ROBO1: variants seen among roughly 807,000 people sequenced by gnomAD.
The protein encoded by ROBO1 is roundabout homolog 1.
Under a neutral mutation model 195.9 loss-of-function variants are expected in ROBO1, and 149 were observed. The ratio of observed to expected loss-of-function variants is 0.76; its 90% CI spans 0.67 to 0.87. ROBO1 has a LOEUF of 0.87. Ranked by LOEUF, ROBO1 falls within the 40% of genes least tolerant of loss-of-function variation. The pLI is 0.00. For synonymous variants in ROBO1, 816 were observed against 733.2 expected (o/e 1.11, Z -1.82); for missense variants, 1,933 against 2,068.3 (o/e 0.93, Z 1.27).
chr3:78,860,017 T>C (rs1245614284), intron 4 of ROBO1, among the ~76,000 whole-genome samples: 1 of 151,220 alleles, frequency 6.6e-6, no homozygotes, highest in African/African-American at 2.4e-5. Context: ...AGGCGGAGCT[T>C]GCAGTGAGCT....
In ROBO1 at chr3:79,384,446, T is replaced by C. The variant is rs75482268; in HGVS notation, c.88+205378A>G. On this transcript the variant is annotated intron_variant, in intron 2 of 30. Coordinates refer to ENST00000464233, the MANE Select transcript of ROBO1 (RefSeq NM_002941.4). ...CATGTAAATAGGTATTTGTCTGTTA[T>C]ATGTGTATATTATGGATTAAAGAAT... Among the ~76,000 whole-genome samples, 118 of 152,110 alleles carry C rather than the reference T, an allele frequency of 7.8e-4. 1 individual carries two copies. In the East Asian group the frequency reaches 0.019, roughly 25 times the overall value.
intron 4 of ROBO1, among the ~76,000 whole-genome samples, chr3:78,835,352 A>G (rs1432379338): frequency 6.6e-6 from 1 of 152,222 alleles, no homozygotes; most frequent in Admixed American, 6.5e-5. Context: ...GTAAAGACAC[A>G]GAAAAGCACT....
chr3:78,647,882 G>A (rs975195685), intron 19 of ROBO1, among the ~76,000 whole-genome samples: 1 of 152,056 alleles, frequency 6.6e-6, no homozygotes, highest in Non-Finnish European at 1.5e-5. Flanking sequence ...GTACACTCAG[G>A]AAGGGAATTA....
At chr3:79,300,206 G>A (rs1402932941) in intron 2 of ROBO1, among the ~76,000 whole-genome samples, 3 of 152,308 alleles carry the variant, frequency 2.0e-5, no homozygotes, top group South Asian at 2.1e-4. Context: ...TCAGCTAGCA[G>A]GGAGGTGTGG....
chr3:79,738,594 A>G (rs944832637), intron 1 of ROBO1, among the ~76,000 whole-genome samples: 5 of 152,328 alleles, frequency 3.3e-5, no homozygotes, highest in South Asian at 4.1e-4. Flanking sequence ...AACAACGAAG[A>G]GTTCAGAGTC....
At chr3:78,961,041 C>A (rs1033646415) in intron 3 of ROBO1, among the ~76,000 whole-genome samples, 3 of 152,088 alleles carry the variant, frequency 2.0e-5, no homozygotes, top group African/African-American at 7.2e-5. Context: ...CATTTTCCTT[C>A]ATAATAGTTT....
intron 3 of ROBO1, among the ~76,000 whole-genome samples, chr3:78,983,771 G>A (rs191071671): frequency 2.6e-5 from 4 of 152,194 alleles, no homozygotes; most frequent in Non-Finnish European, 4.4e-5. Flanking sequence ...AAATATTTGA[G>A]TACTTAAGTA....
intron 2 of ROBO1, among the ~76,000 whole-genome samples, chr3:79,244,213 G>A (rs947182619): frequency 3.3e-5 from 5 of 151,944 alleles, no homozygotes; most frequent in Admixed American, 2.0e-4. Context: ...TGGTAATATT[G>A]CATAACAAGA....
At chr3:78,974,076 C>CA (rs1045490916) in intron 3 of ROBO1, among the ~76,000 whole-genome samples, 52 of 149,806 alleles carry the variant, frequency 3.5e-4, no homozygotes, top group East Asian at 9.8e-4. Context: ...GTTTTAATTT[C>CA]AAAAAAAAAC....
chr3:78,750,108 A>C (rs2082750781), intron 4 of ROBO1, among the ~76,000 whole-genome samples: 1 of 152,112 alleles, frequency 6.6e-6, no homozygotes, highest in African/African-American at 2.4e-5. Context: ...AAATTAGAGG[A>C]AACATACATT....
At chr3:78,998,720 C>G (rs1167402867) in intron 3 of ROBO1, among the ~76,000 whole-genome samples, 1 of 152,022 alleles carries the variant, frequency 6.6e-6, no homozygotes, top group Non-Finnish European at 1.5e-5. Context: ...TTTATCCTTC[C>G]TCTTTGCTTC....
chr3:79,654,368 A>G (rs539569276), intron 1 of ROBO1, among the ~76,000 whole-genome samples: 32 of 152,156 alleles, frequency 2.1e-4, no homozygotes, highest in African/African-American at 6.7e-4. Flanking sequence ...TAGCATCATG[A>G]AAATTTAAAA....
chr3:78,622,835 C>T (rs749566053), intron 26 of ROBO1, among the ~76,000 whole-genome samples: 7 of 152,154 alleles, frequency 4.6e-5, no homozygotes, highest in Non-Finnish European at 1.0e-4. Context: ...ATGGTGAGAC[C>T]TGGAGGATAA....
At chr3:79,086,724 C>G (rs546659059) in intron 3 of ROBO1, among the ~76,000 whole-genome samples, 1 of 152,294 alleles carries the variant, frequency 6.6e-6, no homozygotes, top group South Asian at 2.1e-4. Flanking sequence ...CCCCGCTCCC[C>G]TGCCCTGCCC....
chr3:79,574,191 T>A (rs958270738), intron 2 of ROBO1, among the ~76,000 whole-genome samples: 1 of 152,098 alleles, frequency 6.6e-6, no homozygotes, highest in Non-Finnish European at 1.5e-5. Flanking sequence ...TATCTCTGAG[T>A]CTATCAGACA....
intron 2 of ROBO1, among the ~76,000 whole-genome samples, chr3:79,428,872 G>A (rs2038561103): frequency 6.6e-6 from 1 of 151,802 alleles, no homozygotes; most frequent in Admixed American, 6.6e-5. Context: ...AAATCAGAAA[G>A]AAAAAGCTAC....
intron 2 of ROBO1, among the ~76,000 whole-genome samples, chr3:79,388,336 G>A (rs1401904660): frequency 6.6e-6 from 1 of 151,906 alleles, no homozygotes; most frequent in African/African-American, 2.4e-5. Context: ...TATCCTCATA[G>A]ATAGAGCCAG....
intron 2 of ROBO1, among the ~76,000 whole-genome samples, chr3:79,201,764 A>G (rs2081768632): frequency 6.6e-6 from 1 of 151,896 alleles, no homozygotes; most frequent in Non-Finnish European, 1.5e-5. Context: ...AATTGGAGAT[A>G]GTTTTTTAAG....
intron 2 of ROBO1, among the ~76,000 whole-genome samples, chr3:79,360,965 G>T (rs754080382): frequency 2.0e-5 from 3 of 152,008 alleles, no homozygotes; most frequent in Non-Finnish European, 4.4e-5. Flanking sequence ...TTGATCCATG[G>T]TGCAGCCTTG....
Sources: gnomAD v4.1 joint callset for allele counts (sites outside exome capture counted in the v4.1 genomes callset) on GRCh38, gnomAD v4.1.1 for gene constraint, MANE v1.5 for transcripts, NCBI Gene and HGNC (gene_info 2026-07-23, HGNC 2026-07-21) for gene names.